Variants in NPHP1 observed in about 807,000 individuals in gnomAD.
NPHP1 encodes nephrocystin-1.
A neutral mutation model predicts 90.4 loss-of-function variants in NPHP1; 70 were observed. The observed-to-expected ratio is 0.77, with a 90% CI of 0.64 to 0.95. The LOEUF (loss-of-function observed/expected upper bound fraction) is 0.95, where lower values mean the gene tolerates loss of function less well. Ranked by LOEUF, NPHP1 falls within the 40% of genes least tolerant of loss-of-function variation. The pLI, the probability that NPHP1 is intolerant of heterozygous loss-of-function variation, is 0.00. For missense variants in NPHP1, 764 were observed against 795.9 expected (o/e 0.96, Z 0.48); for synonymous variants, 256 against 271.7 (o/e 0.94, Z 0.57).
chr2:110,146,694 G>T, intron 14 of NPHP1, 59 bp downstream of exon 14: 1 of 1,246,062 alleles, frequency 8.0e-7, no homozygotes, highest in Non-Finnish European at 1.2e-6. Flanking sequence ...GGTATCAAGA[G>T]TCTAAAAAAT....
chr2:110,172,959 TTTC>T (rs1484270198), intron 4 of NPHP1, among the ~76,000 whole-genome samples: 2 of 141,298 alleles, frequency 1.4e-5, no homozygotes, highest in South Asian at 2.1e-4. Context: ...TCTTTTTCTT[TTTC>T]TTTTTTTTTT....
chr2:110,140,664 T>A (rs1357667719), intron 16 of NPHP1, among the ~76,000 whole-genome samples: 1 of 152,072 alleles, frequency 6.6e-6, no homozygotes, highest in Non-Finnish European at 1.5e-5. Flanking sequence ...GTAGGAAGAA[T>A]GAGGCCAAAC....
intron 17 of NPHP1, among the ~76,000 whole-genome samples, chr2:110,130,372 T>C (rs1679693364): frequency 6.6e-6 from 1 of 152,186 alleles, no homozygotes; most frequent in African/African-American, 2.4e-5. Context: ...CTGAGTAAAC[T>C]TCTTACCTAT....
chr2:110,170,524 C>T (rs1574141279), intron 4 of NPHP1, among the ~76,000 whole-genome samples: 1 of 152,104 alleles, frequency 6.6e-6, no homozygotes, highest in Non-Finnish European at 1.5e-5. Context: ...CCATAAAAGT[C>T]AGTTATGATG....
intron 11 of NPHP1, among the ~76,000 whole-genome samples, chr2:110,151,897 A>G (rs1221658272): frequency 6.6e-6 from 1 of 152,100 alleles, no homozygotes; most frequent in Non-Finnish European, 1.5e-5. Context: ...TATCTTTTCA[A>G]TTTGGAGAAT....
chr2:110,144,220 A>G, intron 15 of NPHP1: 1 of 453,506 alleles, frequency 2.2e-6, no homozygotes, highest in East Asian at 4.4e-5. Flanking sequence ...TCTCTGTATT[A>G]GTCACAAGTA....
rs1196570912 is a variant in NPHP1, at chr2:110,160,144, G to A, written c.1066C>T (p.Leu356=). 3 of 1,613,026 alleles carry A rather than the reference G, an allele frequency of 1.9e-6. No individual in the cohort carries two copies. Among genetic ancestry groups the A allele is most frequent in the Non-Finnish European group, 2.5e-6 (3 of 1,179,228 alleles). Residue 356 remains leucine, a synonymous_variant, in exon 11 of 20, where the codon CTA becomes TTA. Transcript: ENST00000445609. ...QVLSRHVRLC[L]FDGNKVLSNI... ...AACCTTACCTTATTACCATCAAATA[G>A]ACAGAGGCGTACATGTCTGCTGAGA...
intron 3 of NPHP1, among the ~76,000 whole-genome samples, chr2:110,179,182 AG>A (rs1002060216): frequency 5.3e-5 from 8 of 152,062 alleles, no homozygotes; most frequent in African/African-American, 1.9e-4. Flanking sequence ...GGGATTGTCA[AG>A]GTTAAATTCC....
intron 2 of NPHP1, among the ~76,000 whole-genome samples, chr2:110,200,795 T>C (rs1180769026): frequency 6.6e-6 from 1 of 152,134 alleles, no homozygotes; most frequent in African/African-American, 2.4e-5. Context: ...CAAAATTCAT[T>C]TGTTTTGCCT....
Position 110,148,330 on chromosome 2 carries a change from C to T in NPHP1, c.1159-304G>A, listed in dbSNP as rs1848682. On this transcript the variant is annotated intron_variant, in intron 12 of 19. Transcript: ENST00000445609. ...GCTCTCCCTTCACCTTCTGCCATGACTGGAAGCTTCCTGAGGCCTCCCTAG... is the reference window on the plus strand; with the variant it reads ...GCTCTCCCTTCACCTTCTGCCATGATTGGAAGCTTCCTGAGGCCTCCCTAG... 0.39 allele frequency among the ~76,000 whole-genome samples: 58,635 copies of T among 151,908 alleles called. 12,059 individuals are homozygous for T. Among genetic ancestry groups the T allele is most frequent in the East Asian group, 0.58 (2,970 of 5,156 alleles).
At chr2:110,163,529 C>A (rs777024437) in intron 8 of NPHP1, 4 of 217,090 alleles carry the variant, frequency 1.8e-5, no homozygotes, top group Non-Finnish European at 3.8e-5. Flanking sequence ...TACTCATAGA[C>A]ACACACCCTC....
intron 11 of NPHP1, among the ~76,000 whole-genome samples, chr2:110,156,263 A>G (rs568827015): frequency 2.0e-5 from 3 of 151,982 alleles, no homozygotes; most frequent in East Asian, 1.9e-4. Flanking sequence ...CACTGTTCTC[A>G]TGATGGTGAA....
chr2:110,201,106 T>C (rs1685548005), intron 2 of NPHP1, among the ~76,000 whole-genome samples: 1 of 152,132 alleles, frequency 6.6e-6, no homozygotes, highest in South Asian at 2.1e-4. Flanking sequence ...GGAGTTAAAG[T>C]TGACATCCCA....
intron 18 of NPHP1, 190 bp from the exon 19 acceptor site, chr2:110,125,871 T>C (rs1679323397): frequency 3.2e-6 from 2 of 615,866 alleles, no homozygotes; most frequent in South Asian, 1.9e-5. Context: ...ACCAGGCAGA[T>C]GTATCTGTGA....
At chr2:110,130,291 G>A (rs1679689209) in intron 17 of NPHP1, among the ~76,000 whole-genome samples, 1 of 152,148 alleles carries the variant, frequency 6.6e-6, no homozygotes, top group Non-Finnish European at 1.5e-5. Flanking sequence ...CCTCAGTAGA[G>A]AAAAATTCAT....
At chr2:110,197,148 G>A (rs1488143868) in intron 2 of NPHP1, among the ~76,000 whole-genome samples, 2 of 152,032 alleles carry the variant, frequency 1.3e-5, no homozygotes, top group Non-Finnish European at 2.9e-5. Context: ...ATTAGAGGAG[G>A]GAGAGCATCA....
At chr2:110,169,274 T>G (rs1559080767) in intron 5 of NPHP1, among the ~76,000 whole-genome samples, 1 of 152,190 alleles carries the variant, frequency 6.6e-6, no homozygotes, top group East Asian at 1.9e-4. Flanking sequence ...AAGTTTAATA[T>G]AAGAACTAAA....
At position 110,170,184 on chromosome 2, in the gene NPHP1, G is replaced by A. The variant is rs536789461; in HGVS notation, c.330-186C>T. ...ACCGTGTGCCTGGAGAGACTGAGGCGGAGAGGGAGCTGAGTCATGTATGTG... is the reference window on the plus strand; with the variant it reads ...ACCGTGTGCCTGGAGAGACTGAGGCAGAGAGGGAGCTGAGTCATGTATGTG... On this transcript the variant is annotated intron_variant, in intron 4 of 19. Coordinates refer to ENST00000445609, the MANE Select transcript of NPHP1 (RefSeq NM_001128178.3). Among the ~76,000 whole-genome samples, 19 of 152,226 alleles carry A rather than the reference G, an allele frequency of 1.2e-4. No individual in the cohort carries two copies. The South Asian group carries it at 2.5e-3, about 20-fold the overall frequency.
At chr2:110,134,109 C>G (rs560042861) in intron 16 of NPHP1, among the ~76,000 whole-genome samples, 6 of 152,044 alleles carry the variant, frequency 3.9e-5, no homozygotes, top group African/African-American at 1.4e-4. Flanking sequence ...ATTGACAAAC[C>G]TTTAGTGAGA....
Sources: gnomAD v4.1 joint callset for allele counts (sites outside exome capture counted in the v4.1 genomes callset) on GRCh38, gnomAD v4.1.1 for gene constraint, MANE v1.5 for transcripts, NCBI Gene and HGNC (gene_info 2026-07-23, HGNC 2026-07-21) for gene names.